Variants in PCDHGB6 observed in about 807,000 individuals in gnomAD.
PCDHGB6 encodes protocadherin gamma-B6.
In PCDHGB6, 51 loss-of-function variants were observed where a neutral mutation model predicts 59.1. The observed-to-expected ratio is 0.86, with a 90% confidence interval of 0.69 to 1.09. The LOEUF (loss-of-function observed/expected upper bound fraction) is 1.09. Ranked by LOEUF, PCDHGB6 falls within the 50% of genes least tolerant of loss-of-function variation. The probability of loss-of-function intolerance (pLI) is 0.00; values close to 1 mark genes in which losing one functional copy is unlikely to be tolerated. For missense variants in PCDHGB6, 1,148 were observed against 1,205.1 expected, an observed-to-expected ratio of 0.95 and a Z score of 0.70; for synonymous variants, 466 against 495.1, an observed-to-expected ratio of 0.94 and a Z score of 0.78.
rs1201569227 is a variant in PCDHGB6 at position 141,410,006 on chromosome 5, G to A, written c.1804G>A (p.Ala602Thr). The A allele has an allele frequency of 5.0e-6, 8 of 1,613,156 alleles. No homozygotes were observed. The highest frequency in any genetic ancestry group is 5.9e-6 in the Non-Finnish European group (7 of 1,179,824). ...GGTGGACGCCGACTCGGGACACAAC[G>A]CCTGGCTGTCCTACCACGTGCTGCA... ...VAVDADSGHNAWLSYHVLQAS... is the reference protein window; with the variant it reads ...VAVDADSGHNTWLSYHVLQAS... The change falls in exon 1 of 4, where the codon GCC becomes ACC. Residue 602 changes from alanine to threonine, a missense_variant. Around this residue, in one of 5 missense-constraint regions of PCDHGB6, gnomAD observed 549 missense variants for 527.5 expected, o/e 1.04. Coordinates refer to ENST00000520790, the MANE Select transcript of PCDHGB6 (RefSeq NM_018926.3).
At chr5:141,427,386 A>G (rs2097020887) in intron 1 of PCDHGB6, 1 of 459,098 alleles carries the variant, frequency 2.2e-6, no homozygotes, top group Non-Finnish European at 4.4e-6. Context: ...CACTCTGTTC[A>G]AAACACATGA....
At chr5:141,499,557 C>G (rs972965979) in intron 2 of PCDHGB6, among the ~76,000 whole-genome samples, 1 of 152,192 alleles carries the variant, frequency 6.6e-6, no homozygotes, top group African/African-American at 2.4e-5. Context: ...TATGATACCA[C>G]TATCCAGCTT....
intron 1 of PCDHGB6, chr5:141,415,176 C>T: frequency 6.2e-7 from 1 of 1,613,934 alleles, no homozygotes; most frequent in Non-Finnish European, 8.5e-7. Context: ...TCACCGTGGC[C>T]GTGGCCGACA....
chr5:141,490,623 T>C lies in PCDHGB6; in HGVS notation c.2419-4184T>C. The C allele has an allele frequency of 3.1e-6, 5 of 1,614,174 alleles. No individual in the cohort carries two copies. The highest frequency in any genetic ancestry group is 4.2e-6 in the Non-Finnish European group (5 of 1,180,020). ...GCTTCAACCAGCAGCTTTACACTGC[T>C]TACATCCTAGAAAACCGGCCTCCGG... On this transcript the variant is annotated intron_variant, in intron 1 of 3. Coordinates refer to ENST00000520790, the MANE Select transcript of PCDHGB6 (RefSeq NM_018926.3). This position sits in a 1 kb window ranked among gnomAD's most constrained non-coding sequence, Gnocchi z 5.4.
rs779065098 is a variant in PCDHGB6, at chr5:141,491,758, C to G, written c.2419-3049C>G. The G allele has an allele frequency of 1.9e-6, 3 of 1,578,788 alleles. No individual in the cohort carries two copies. The highest frequency in any genetic ancestry group is 1.7e-4 in the Middle Eastern group (1 of 5,954). ...TGGGGGCGGCACTGGAGAAGCCGCCCGTCCTCATAAGGGATTGAACTTGCA... is the reference window on the plus strand; with the variant it reads ...TGGGGGCGGCACTGGAGAAGCCGCCGGTCCTCATAAGGGATTGAACTTGCA... On this transcript the variant is annotated intron_variant, in intron 1 of 3. Transcript: ENST00000520790. This position sits in a 1 kb window ranked among gnomAD's most constrained non-coding sequence, Gnocchi z 6.9.
chr5:141,497,148 A>G (rs1436451953), intron 2 of PCDHGB6, among the ~76,000 whole-genome samples: 1 of 152,122 alleles, frequency 6.6e-6, no homozygotes, highest in Non-Finnish European at 1.5e-5. Context: ...ATCACGAAAA[A>G]AAAATAATCT....
intron 1 of PCDHGB6, among the ~76,000 whole-genome samples, chr5:141,475,097 T>C (rs180692931): frequency 6.6e-6 from 1 of 152,370 alleles, no homozygotes; most frequent in East Asian, 1.9e-4. Context: ...TTTATAAAGA[T>C]CCTAGGTGGT....
At chr5:141,506,923 C>T (rs1414595306) in intron 3 of PCDHGB6, among the ~76,000 whole-genome samples, 4 of 152,184 alleles carry the variant, frequency 2.6e-5, no homozygotes, top group African/African-American at 9.7e-5. Context: ...ACATACTAAA[C>T]AAACTTTAGG....
intron 1 of PCDHGB6, chr5:141,426,581 C>A: frequency 2.8e-6 from 1 of 358,468 alleles, no homozygotes. Context: ...TCTTCAAAAT[C>A]CTCTGTGTCA....
chr5:141,491,407 G>A lies in PCDHGB6; in HGVS notation c.2419-3400G>A. ...GAAGTGCCTTCAGGGAAACGCAGAC[G>A]GGGACGGGGGTGGAGGGCAGTGCTG... is the stretch of plus-strand genomic sequence containing the variant. On this transcript the variant is annotated intron_variant, in intron 1 of 3. Transcript: ENST00000520790. The surrounding 1 kb of genome is among the most constrained non-coding windows in gnomAD (Gnocchi z 6.9). The A allele has an allele frequency of 6.2e-7, 1 of 1,614,116 alleles. No individual in the cohort carries two copies. The highest frequency in any genetic ancestry group is 8.5e-7 in the Non-Finnish European group (1 of 1,180,000).
At chr5:141,495,480 C>A (rs2099761689) in intron 2 of PCDHGB6, among the ~76,000 whole-genome samples, 1 of 152,208 alleles carries the variant, frequency 6.6e-6, no homozygotes, top group African/African-American at 2.4e-5. Flanking sequence ...CGTGTCTCTG[C>A]CCCTTTTTCT....
At chr5:141,441,196 G>C (rs575668023) in intron 1 of PCDHGB6, 2 of 152,266 alleles carry the variant, frequency 1.3e-5, no homozygotes, top group East Asian at 3.9e-4. Flanking sequence ...GATTCCCAAA[G>C]ATTCTGCACC....
chr5:141,480,137 A>G (rs1183663599), intron 1 of PCDHGB6, among the ~76,000 whole-genome samples: 2 of 152,096 alleles, frequency 1.3e-5, no homozygotes, highest in Non-Finnish European at 2.9e-5. Context: ...CTGTTAAACA[A>G]TTATTAGCCA....
chr5:141,448,449 T>A (rs528049717), intron 1 of PCDHGB6, among the ~76,000 whole-genome samples: 1 of 152,166 alleles, frequency 6.6e-6, no homozygotes, highest in Non-Finnish European at 1.5e-5. Context: ...CTGACTTCCA[T>A]CCCTATCCTA....
Position 141,487,687 on chromosome 5 carries a change from A to G in PCDHGB6, c.2419-7120A>G, listed in dbSNP as rs750431854. ...CAGGCATATGGCTAGGCCATGTCCTAGAGAGTACTGGCCTCTCAGTAAGTG... is the reference window on the plus strand; with the variant it reads ...CAGGCATATGGCTAGGCCATGTCCTGGAGAGTACTGGCCTCTCAGTAAGTG... On this transcript the variant is annotated intron_variant, in intron 1 of 3. Transcript: ENST00000520790. This position sits in a 1 kb window ranked among gnomAD's most constrained non-coding sequence, Gnocchi z 5.0. The G allele has an allele frequency of 1.9e-6, 3 of 1,606,256 alleles. No individual in the cohort carries two copies. The highest frequency in any genetic ancestry group is 3.4e-5 in the Admixed American group (2 of 58,832).
At position 141,485,561 on chromosome 5, in the gene PCDHGB6, GCCC is replaced by G; in HGVS notation, c.2419-9242_2419-9240del. ...AGAGATCGTAGATGTGAATGATCAC[GCCC>G]CCCGTTTTCCGCGGCAGCAGCTGGA... On this transcript the variant is annotated intron_variant, in intron 1 of 3. Transcript: ENST00000520790. This position sits in a 1 kb window ranked among gnomAD's most constrained non-coding sequence, Gnocchi z 5.7. 1 of 1,613,008 alleles carries G rather than the reference GCCC, an allele frequency of 6.2e-7. No homozygotes were observed.
intron 1 of PCDHGB6, chr5:141,430,640 G>A (rs902915974): frequency 1.1e-6 from 1 of 916,196 alleles, no homozygotes; most frequent in East Asian, 2.7e-5. Flanking sequence ...ATCCCTGGGA[G>A]TATGTGGAAA....
At chr5:141,419,411 C>T (rs757881409) in intron 1 of PCDHGB6, 7 of 1,613,344 alleles carry the variant, frequency 4.3e-6, no homozygotes, top group Non-Finnish European at 5.9e-6. Flanking sequence ...GTTCGCGCAG[C>T]GCGCCTTCGA....
At chr5:141,424,894 T>C (rs868851823) in intron 1 of PCDHGB6, among the ~76,000 whole-genome samples, 44 of 152,320 alleles carry the variant, frequency 2.9e-4, no homozygotes, top group African/African-American at 9.9e-4. Flanking sequence ...TCTAGGGTTT[T>C]TGATCACAGG....
Sources: gnomAD v4.1 joint callset for allele counts (sites outside exome capture counted in the v4.1 genomes callset) on GRCh38, gnomAD v4.1.1 for gene constraint, gnomAD v4.1.1 regional missense constraint, Gnocchi (gnomAD v3.1) non-coding constraint, MANE v1.5 for transcripts, NCBI Gene and HGNC (gene_info 2026-07-23, HGNC 2026-07-21) for gene names.